Variants in CNTNAP4 observed in about 807,000 individuals in gnomAD.
CNTNAP4 encodes the protein contactin associated protein family member 4, also known as contactin-associated protein-like 4.
CNTNAP4 carries 98 observed loss-of-function variants against 148.4 expected under a neutral mutation model. The ratio of observed to expected loss-of-function variants is 0.66; its 90% confidence interval spans 0.56 to 0.78. The LOEUF (loss-of-function observed/expected upper bound fraction) is 0.78, where lower values mean the gene tolerates loss of function less well. CNTNAP4 is among the 30% of genes least tolerant of loss of function. CNTNAP4 has a pLI of 0.00. For missense variants in CNTNAP4, 1,935 were observed against 1,565.6 expected, an observed-to-expected ratio of 1.24 and a Z score of -3.98; for synonymous variants, 730 against 565.1, an observed-to-expected ratio of 1.29 and a Z score of -4.14.
At chr16:76,379,500 TC>T (rs1332504295) in intron 3 of CNTNAP4, among the ~76,000 whole-genome samples, 2 of 152,204 alleles carry the variant, frequency 1.3e-5, no homozygotes, top group Non-Finnish European at 2.9e-5. Context: ...CTGAGTCAAT[TC>T]CAAAATGTAC....
At chr16:76,371,679 G>T (rs958213052) in intron 3 of CNTNAP4, among the ~76,000 whole-genome samples, 5 of 152,198 alleles carry the variant, frequency 3.3e-5, no homozygotes, top group Non-Finnish European at 7.4e-5. Context: ...TTAGCTGGAA[G>T]ATCTTATGGC....
intron 3 of CNTNAP4, among the ~76,000 whole-genome samples, chr16:76,408,187 G>A (rs1384328791): frequency 6.6e-6 from 1 of 151,978 alleles, no homozygotes; most frequent in Non-Finnish European, 1.5e-5. Flanking sequence ...TTGATGTGAT[G>A]AAATTTATTG....
At chr16:76,453,322 A>G (rs921099723) in intron 8 of CNTNAP4, among the ~76,000 whole-genome samples, 14 of 152,236 alleles carry the variant, frequency 9.2e-5, no homozygotes, top group Admixed American at 7.9e-4. Flanking sequence ...AGTTGTCACC[A>G]AATGAAATTC....
chr16:76,455,370 G>T (rs1185940067), intron 8 of CNTNAP4, among the ~76,000 whole-genome samples: 1 of 152,180 alleles, frequency 6.6e-6, no homozygotes, highest in Non-Finnish European at 1.5e-5. Context: ...AGGCAGGCTT[G>T]CAGTATTTGA....
chr16:76,379,800 C>T (rs2015784036), intron 3 of CNTNAP4, among the ~76,000 whole-genome samples: 1 of 152,146 alleles, frequency 6.6e-6, no homozygotes, highest in African/African-American at 2.4e-5. Flanking sequence ...CTTATCTTTT[C>T]TTCAAATTGA....
chr16:76,334,981 T>C (rs1963895132), intron 2 of CNTNAP4, among the ~76,000 whole-genome samples: 1 of 151,988 alleles, frequency 6.6e-6, no homozygotes, highest in African/African-American at 2.4e-5. Context: ...TTTGGTGTAT[T>C]GTGTTGTAGA....
chr16:76,481,449 G>A (rs866428189), intron 12 of CNTNAP4, among the ~76,000 whole-genome samples: 16 of 152,332 alleles, frequency 1.1e-4, no homozygotes, highest in African/African-American at 3.8e-4. Context: ...GGAAGCCAGG[G>A]CGGGGGCATA....
intron 12 of CNTNAP4, among the ~76,000 whole-genome samples, chr16:76,480,661 C>A (rs1379153368): frequency 1.3e-5 from 2 of 152,078 alleles, no homozygotes; most frequent in African/African-American, 2.4e-5. Flanking sequence ...CTGCTTGAAC[C>A]TGGGAGGTGG....
intron 1 of CNTNAP4, among the ~76,000 whole-genome samples, chr16:76,301,030 A>G (rs1421152502): frequency 1.3e-5 from 2 of 152,012 alleles, no homozygotes; most frequent in Non-Finnish European, 2.9e-5. Context: ...GTTTAACAGT[A>G]TTTTATAGGA....
chr16:76,355,671 A>G lies in CNTNAP4; in HGVS notation c.390+160A>G, dbSNP rs2012508395. ...ATATGGTAAATAATCATTTTCCAAT[A>G]CATTTTATGGTAAATTTATGAGAAT... On this transcript the variant is annotated intron_variant, in intron 3 of 23. Transcript: ENST00000611870. Among the ~76,000 whole-genome samples, 3 of 152,176 alleles carry G rather than the reference A, an allele frequency of 2.0e-5. No individual in the cohort carries two copies. The South Asian group carries it at 6.2e-4, about 31-fold the overall frequency.
At chr16:76,522,650 CTCT>C (rs1568495990) in intron 17 of CNTNAP4, among the ~76,000 whole-genome samples, 1,614 of 111,994 alleles carry the variant, frequency 0.014, 156 homozygotes, top group Middle Eastern at 0.042. Context: ...TCTTTCTTTT[CTCT>C]CTTTCTCTCT....
At chr16:76,370,511 C>T (rs1047769682) in intron 3 of CNTNAP4, among the ~76,000 whole-genome samples, 4 of 152,152 alleles carry the variant, frequency 2.6e-5, no homozygotes, top group African/African-American at 4.8e-5. Flanking sequence ...CCTGGTTCCT[C>T]CCTTCCTTTC....
At chr16:76,324,378 C>G (rs1052986809) in intron 2 of CNTNAP4, among the ~76,000 whole-genome samples, 26 of 152,106 alleles carry the variant, frequency 1.7e-4, no homozygotes, top group Non-Finnish European at 3.1e-4. Flanking sequence ...ATGAATAAAC[C>G]ATGAGTTAAG....
At chr16:76,469,796 T>G (rs749417635) in intron 10 of CNTNAP4, among the ~76,000 whole-genome samples, 1 of 152,224 alleles carries the variant, frequency 6.6e-6, no homozygotes, top group Non-Finnish European at 1.5e-5. Context: ...AAAAGATGCT[T>G]TAGGCTAACA....
At chr16:76,451,554 TA>T (rs2080471190) in intron 7 of CNTNAP4, among the ~76,000 whole-genome samples, 5 of 151,326 alleles carry the variant, frequency 3.3e-5, no homozygotes, top group Admixed American at 2.0e-4. Context: ...GTATTTTTAA[TA>T]AAAGCAAAAT....
rs1436972202 is a variant in CNTNAP4, at chr16:76,400,829, G to C, written c.391-26623G>C. The stretch of plus-strand genomic sequence containing the variant: ...CACGTTGCTTGTTTTTGTAAGCTTT[G>C]TCAAAGATCAGGTGGTTGTAGGTAT... On this transcript the variant is annotated intron_variant, in intron 3 of 23. Transcript: ENST00000611870. Among the ~76,000 whole-genome samples the C allele has an allele frequency of 2.0e-5, 3 of 152,064 alleles. No individual in the cohort carries two copies. The East Asian group carries it at 5.8e-4, about 29-fold the overall frequency.
At chr16:76,416,848 C>G (rs1173699860) in intron 3 of CNTNAP4, among the ~76,000 whole-genome samples, 1 of 151,302 alleles carries the variant, frequency 6.6e-6, no homozygotes, top group Non-Finnish European at 1.5e-5. Context: ...CTGTTTTTAA[C>G]TTGCCATTCT....
intron 10 of CNTNAP4, among the ~76,000 whole-genome samples, chr16:76,469,876 C>T (rs774700995): frequency 1.1e-4 from 16 of 151,990 alleles, no homozygotes; most frequent in Admixed American, 2.6e-4. Flanking sequence ...AATTTCCAAG[C>T]GTATCTGTAA....
intron 12 of CNTNAP4, among the ~76,000 whole-genome samples, chr16:76,482,951 A>G (rs1296160104): frequency 6.6e-6 from 1 of 152,228 alleles, no homozygotes; most frequent in Non-Finnish European, 1.5e-5. Flanking sequence ...AGAATTAAAC[A>G]TAACAAATGT....
Sources: gnomAD v4.1 joint callset for allele counts (sites outside exome capture counted in the v4.1 genomes callset) on GRCh38, gnomAD v4.1.1 for gene constraint, MANE v1.5 for transcripts, NCBI Gene and HGNC (gene_info 2026-07-23, HGNC 2026-07-21) for gene names.